Variants in UPF3B observed in about 807,000 individuals in gnomAD.
The protein encoded by UPF3B is UPF3B regulator of nonsense mediated mRNA decay, also known as regulator of nonsense transcripts 3B.
A neutral mutation model predicts 40.3 loss-of-function variants in UPF3B; 7 were observed. That is an observed-to-expected ratio of 0.17 (90% confidence interval 0.10 to 0.33). The LOEUF (loss-of-function observed/expected upper bound fraction) is 0.33. Ranked by LOEUF, UPF3B falls within the 10% of genes least tolerant of loss-of-function variation. The pLI, the probability that UPF3B is intolerant of heterozygous loss-of-function variation, is 1.00. For missense variants in UPF3B, 229 were observed against 358.9 expected, an observed-to-expected ratio of 0.64 and a Z score of 2.93; for synonymous variants, 117 against 117.3, an observed-to-expected ratio of 1.00 and a Z score of 0.01.
intron 3 of UPF3B, among the ~76,000 whole-genome samples, chrX:119,826,082 GC>G (rs2147769614): frequency 9.0e-6 from 1 of 110,648 alleles, no homozygotes; most frequent in East Asian, 2.9e-4. Flanking sequence ...AATCGCTTGT[GC>G]CCGGGAGGCG....
chrX:119,807,718 T>C (rs1462556252), intron 5 of UPF3B: 2 of 187,708 alleles, frequency 1.1e-5, no homozygotes, highest in Non-Finnish European at 1.7e-5. Flanking sequence ...GCATGGTAAA[T>C]GACAACTTGC....
At chrX:119,825,049 G>C (rs2055966686) in intron 3 of UPF3B, among the ~76,000 whole-genome samples, 1 of 111,217 alleles carries the variant, frequency 9.0e-6, no homozygotes, top group African/African-American at 3.3e-5. Flanking sequence ...TTACAGGTGT[G>C]AGTCACTGCG....
chrX:119,851,546 T>C lies in UPF3B; in HGVS notation c.319A>G (p.Ile107Val). The change falls in exon 3 of 11, where the codon ATT (isoleucine) becomes GTT (valine). Residue 107 changes from isoleucine to valine, a missense_variant. Around this residue, in one of 3 missense-constraint regions of UPF3B, gnomAD observed 87 missense variants for 184.2 expected, o/e 0.47. Transcript: ENST00000276201. ...AYINFKNQED[I>V]ILFRDRFDGY... ...TCAAAGCGATCCCTGAACAAAATAA[T>C]GTCCTCTTGGTTTTTAAAGTTGATG... 8.3e-7 allele frequency: 1 copy of C among 1,210,006 alleles called. No homozygotes were observed.
chrX:119,824,709 T>C (rs1390938505), intron 3 of UPF3B, among the ~76,000 whole-genome samples: 1 of 111,102 alleles, frequency 9.0e-6, no homozygotes, highest in Non-Finnish European at 1.9e-5. Flanking sequence ...CATACTTTCT[T>C]ATATTTAAAA....
At chrX:119,829,886 A>G (rs992079559), downstream of UPF3B, among the ~76,000 whole-genome samples, 5 of 111,636 alleles carry the variant, frequency 4.5e-5, no homozygotes, top group African/African-American at 1.6e-4. Context: ...CAGTTTCATT[A>G]GTTCACTAAT....
intron 5 of UPF3B, among the ~76,000 whole-genome samples, chrX:119,812,224 G>T (rs2055832395): frequency 9.1e-6 from 1 of 110,111 alleles, no homozygotes; most frequent in Non-Finnish European, 1.9e-5. Context: ...CTGCACTACA[G>T]CCTGGGTGAC....
intron 10 of UPF3B, among the ~76,000 whole-genome samples, chrX:119,836,767 C>T (rs1331715144): frequency 9.3e-6 from 1 of 107,866 alleles, no homozygotes; most frequent in African/African-American, 3.4e-5. Flanking sequence ...TTTCCTGCCT[C>T]AGCCTCCCGA....
chrX:119,817,310 C>G (rs2055874006), intron 4 of UPF3B, among the ~76,000 whole-genome samples: 1 of 111,751 alleles, frequency 8.9e-6, no homozygotes, highest in African/African-American at 3.2e-5. Context: ...CTGGGGGAGC[C>G]TCAGGAAACT....
At chrX:119,842,558 C>T (rs1310223920) in intron 5 of UPF3B, among the ~76,000 whole-genome samples, 3 of 104,073 alleles carry the variant, frequency 2.9e-5, no homozygotes, top group African/African-American at 1.1e-4. Context: ...CCAGCCTGGG[C>T]GACAGAGCAA....
chrX:119,845,061 C>T (rs906445898), intron 4 of UPF3B, 137 bp downstream of exon 4: 45 of 499,679 alleles, frequency 9.0e-5, no homozygotes, highest in African/African-American at 7.4e-4. Context: ...AAGCTTCCAT[C>T]GGCAAATAAC....
At chrX:119,828,762 C>T (rs930674060) in intron 3 of UPF3B, among the ~76,000 whole-genome samples, 13 of 110,530 alleles carry the variant, frequency 1.2e-4, no homozygotes, top group Non-Finnish European at 2.5e-4. Context: ...CTCTTGTCAC[C>T]TGGGCTAGAG....
intron 9 of UPF3B, 82 bp downstream of exon 9, chrX:119,838,285 T>G (rs745840117): frequency 1.8e-6 from 2 of 1,094,405 alleles, no homozygotes; most frequent in Non-Finnish European, 2.5e-6. Flanking sequence ...ACAGCTTATC[T>G]TAATTCAGGT....
At chrX:119,837,174 G>C (rs2056106026) in intron 10 of UPF3B, among the ~76,000 whole-genome samples, 1 of 106,050 alleles carries the variant, frequency 9.4e-6, no homozygotes, top group African/African-American at 3.5e-5. Flanking sequence ...AGAACTCCTA[G>C]GCTCTAGCAA....
chrX:119,812,973 A>T (rs1469036287), intron 5 of UPF3B, among the ~76,000 whole-genome samples: 1 of 111,268 alleles, frequency 9.0e-6, no homozygotes, highest in African/African-American at 3.3e-5. Context: ...ATCTCCTTCT[A>T]GAAATTTTCC....
At chrX:119,812,646 G>T (rs1286385908) in intron 5 of UPF3B, among the ~76,000 whole-genome samples, 1 of 111,528 alleles carries the variant, frequency 9.0e-6, no homozygotes, top group Non-Finnish European at 1.9e-5. Context: ...CTCTGTTTTT[G>T]TAGATACATT....
chrX:119,824,110 T>C (rs991925677), intron 3 of UPF3B, among the ~76,000 whole-genome samples: 2 of 104,981 alleles, frequency 1.9e-5, no homozygotes, highest in African/African-American at 7.1e-5. Flanking sequence ...TTTTAAAAAT[T>C]GCTTCGCAGG....
intron 3 of UPF3B, among the ~76,000 whole-genome samples, chrX:119,827,476 C>T (rs1362059343): frequency 2.7e-5 from 3 of 110,108 alleles, no homozygotes; most frequent in African/African-American, 1.0e-4. Flanking sequence ...GTTGCCTAGG[C>T]TGGAGTGCAG....
chrX:119,833,106 C>T (rs2056053803), downstream of UPF3B, among the ~76,000 whole-genome samples: 1 of 111,272 alleles, frequency 9.0e-6, no homozygotes, highest in East Asian at 2.8e-4. Context: ...GCTAACTCCC[C>T]ATGGCTGTAA....
intron 3 of UPF3B, 109 bp downstream of exon 3, chrX:119,851,386 A>G (rs1048961467): frequency 7.2e-6 from 4 of 556,633 alleles, no homozygotes; most frequent in Non-Finnish European, 1.3e-5. Context: ...TAAGACTGCA[A>G]TAAGCTTATT....
Sources: allele counts gnomAD v4.1 joint callset (sites outside exome capture counted in the v4.1 genomes callset), GRCh38; gene constraint gnomAD v4.1.1; regional missense constraint gnomAD v4.1.1; transcripts MANE v1.5; gene names NCBI Gene and HGNC (gene_info 2026-07-23, HGNC 2026-07-21).